Variants in PKD1L3 observed in about 807,000 individuals in gnomAD.
PKD1L3 encodes the protein polycystin-1-like protein 3.
PKD1L3 carries 239 observed loss-of-function variants against 184.1 expected under a neutral mutation model. That is an observed-to-expected ratio of 1.30 (90% CI 1.17 to 1.45). PKD1L3 has a LOEUF of 1.45. Among genes scored for constraint, PKD1L3 ranks in the 40% most tolerant of loss-of-function variants. The pLI is 0.00. For missense variants in PKD1L3, 2,660 were observed against 2,067.2 expected (o/e 1.29, Z -5.56); for synonymous variants, 996 against 778.8 (o/e 1.28, Z -4.64).
intron 4 of PKD1L3, among the ~76,000 whole-genome samples, chr16:71,990,047 C>A (rs777371185): frequency 2.0e-5 from 3 of 149,752 alleles, no homozygotes; most frequent in Non-Finnish European, 4.4e-5. Flanking sequence ...CCATTGCACT[C>A]CAGCCTGGGT....
At chr16:71,966,993 T>A in intron 15 of PKD1L3, 144 bp downstream of exon 15, 1 of 933,136 alleles carries the variant, frequency 1.1e-6, no homozygotes, top group Non-Finnish European at 1.6e-6. Flanking sequence ...GCTTATTCTG[T>A]GTAGACAGCT....
chr16:71,936,519 C>CTTTTTTTTTTTTTT (rs397785025), intron 25 of PKD1L3, among the ~76,000 whole-genome samples: 2 of 123,542 alleles, frequency 1.6e-5, no homozygotes, highest in Non-Finnish European at 3.3e-5. Context: ...TTTTTTTTTT[C>CTTTTTTTTTTTTTT]TTTTTTTTTT....
chr16:71,989,587 G>A (rs759712011), intron 4 of PKD1L3, among the ~76,000 whole-genome samples: 6 of 152,232 alleles, frequency 3.9e-5, no homozygotes, highest in African/African-American at 7.2e-5. Context: ...GAGATTTCTT[G>A]AAGGTGAAAT....
intron 11 of PKD1L3, among the ~76,000 whole-genome samples, chr16:71,976,264 C>CTTGTTTTTTTTTTTT (rs2039918064): frequency 1.2e-5 from 1 of 81,776 alleles, no homozygotes; most frequent in Non-Finnish European, 2.3e-5. Context: ...CCCAGCCTGT[C>CTTGTTTTTTTTTTTT]TTTTTTTTTT....
In PKD1L3 at chr16:71,950,219, C is replaced by A. The variant is rs1368331434; in HGVS notation, c.3282G>T (p.Gln1094His). The change falls in exon 20 of 30, where the codon CAG becomes CAT. Residue 1094 changes from glutamine to histidine, a missense_variant. Transcript: ENST00000620267. ...CTAGGAAGTCACAGGACTGGTGACCCTGGGTGAGACCCAGCGTGCCTAAGT... is the reference window on the plus strand; with the variant it reads ...CTAGGAAGTCACAGGACTGGTGACCATGGGTGAGACCCAGCGTGCCTAAGT... Reference protein sequence around the residue: ...KSHLGTLGLTQGHQSCDFLDA... With the variant: ...KSHLGTLGLTHGHQSCDFLDA... 1 of 1,552,172 alleles carries A rather than the reference C, an allele frequency of 6.4e-7. No homozygotes were observed. Among genetic ancestry groups the A allele is most frequent in the Non-Finnish European group, 8.7e-7 (1 of 1,147,112 alleles).
At position 71,963,366 on chromosome 16, in the gene PKD1L3, A is replaced by G; in HGVS notation, c.2466-15T>C. 1 of 1,541,456 alleles carries G rather than the reference A, an allele frequency of 6.5e-7. No individual in the cohort carries two copies. The highest frequency in any genetic ancestry group is 8.8e-7 in the Non-Finnish European group (1 of 1,141,232). Reference sequence around the variant, plus strand: ...GGCTGACATACCTATAGTAAAATGAAGATAACCACATTAGGGAGATGGGCT... The same window carrying G: ...GGCTGACATACCTATAGTAAAATGAGGATAACCACATTAGGGAGATGGGCT... On this transcript the variant is annotated splice_polypyrimidine_tract_variant and intron_variant, in intron 15 of 29. Transcript: ENST00000620267.
Position 71,993,311 on chromosome 16 carries a change from G to T in PKD1L3, c.440C>A (p.Ala147Asp), listed in dbSNP as rs1029644876. 6.5e-7 allele frequency: 1 copy of T among 1,547,398 alleles called. No homozygotes were observed. Among genetic ancestry groups the T allele is most frequent in the Non-Finnish European group, 8.7e-7 (1 of 1,145,426 alleles). ...CQTGDFLDGDAHYERNGNNSH... is the reference protein window; with the variant it reads ...CQTGDFLDGDDHYERNGNNSH... ...ATTATTTCCATTTCTTTCATAATGG[G>T]CATCTCCGTCCAAAAAGTCACCTAT... The change falls in exon 3 of 30, where the codon GCC becomes GAC. Residue 147 changes from alanine to aspartate, a missense_variant. Physicochemically the swap from Ala to Asp is moderately radical, Grantham distance 126. Coordinates refer to ENST00000620267, the MANE Select transcript of PKD1L3 (RefSeq NM_181536.2).
At chr16:71,998,657 G>A (rs1403930810) in intron 1 of PKD1L3, among the ~76,000 whole-genome samples, 1 of 152,016 alleles carries the variant, frequency 6.6e-6, no homozygotes, top group Non-Finnish European at 1.5e-5. Context: ...CACCATGTTG[G>A]CCAGGCTGGT....
At chr16:71,944,574 T>A (rs546486002) in intron 22 of PKD1L3, among the ~76,000 whole-genome samples, 55 of 152,180 alleles carry the variant, frequency 3.6e-4, no homozygotes, top group African/African-American at 1.3e-3. Flanking sequence ...TCCCGGCTAC[T>A]AGGGAGACTG....
chr16:71,989,430 G>T (rs1156407717), intron 4 of PKD1L3, among the ~76,000 whole-genome samples: 2 of 152,222 alleles, frequency 1.3e-5, no homozygotes, highest in Non-Finnish European at 2.9e-5. Flanking sequence ...TGGGATTACG[G>T]GCGTGAGCCA....
intron 27 of PKD1L3, 104 bp from the exon 28 acceptor site, chr16:71,933,625 C>G (rs1429431558): frequency 5.8e-6 from 5 of 869,564 alleles, no homozygotes; most frequent in African/African-American, 3.4e-5. Flanking sequence ...AACAGAAATT[C>G]CTTGTGGCCA....
At chr16:71,989,111 T>C (rs1186058849) in intron 4 of PKD1L3, among the ~76,000 whole-genome samples, 2 of 152,196 alleles carry the variant, frequency 1.3e-5, no homozygotes, top group South Asian at 2.1e-4. Context: ...GGGCTAGTGG[T>C]TGTTGCTCTG....
chr16:71,933,925 T>C lies in PKD1L3; in HGVS notation c.4814A>G (p.Tyr1605Cys), dbSNP rs2038082490. 4.5e-6 allele frequency: 7 copies of C among 1,551,274 alleles called. No homozygotes were observed. Among genetic ancestry groups the C allele is most frequent in the South Asian group, 3.6e-5 (3 of 84,062 alleles). The change falls in exon 27 of 30, where the codon TAT (tyrosine) becomes TGT (cysteine). Residue 1605 changes from tyrosine to cysteine, a missense_variant. Tyr to Cys is a radical substitution (Grantham distance 194, BLOSUM62 -2). Coordinates refer to ENST00000620267, the MANE Select transcript of PKD1L3 (RefSeq NM_181536.2). Reference protein sequence around the residue: ...LLIILILLTGYAIAFNLLFGC... With the variant: ...LLIILILLTGCAIAFNLLFGC... Reference sequence around the variant, plus strand: ...AACGTGGGGGCTTACGGCAATGGCATAGCCTGTCAGCAGGATTAGGATGAT... The same window carrying C: ...AACGTGGGGGCTTACGGCAATGGCACAGCCTGTCAGCAGGATTAGGATGAT...
At chr16:71,932,022 G>A (rs987361912) in intron 28 of PKD1L3, among the ~76,000 whole-genome samples, 2 of 152,096 alleles carry the variant, frequency 1.3e-5, no homozygotes, top group African/African-American at 4.8e-5. Flanking sequence ...GGAACTACAG[G>A]TACATGCTAC....
At chr16:71,954,740 G>T (rs979515894) in intron 16 of PKD1L3, among the ~76,000 whole-genome samples, 5 of 152,180 alleles carry the variant, frequency 3.3e-5, no homozygotes, top group African/African-American at 1.2e-4. Flanking sequence ...AAAAGACTTT[G>T]CTGGGCTTAA....
At chr16:71,955,143 G>A (rs1461683909) in intron 16 of PKD1L3, among the ~76,000 whole-genome samples, 1 of 152,136 alleles carries the variant, frequency 6.6e-6, no homozygotes, top group African/African-American at 2.4e-5. Flanking sequence ...TTGAAAAATA[G>A]GAGCTCCAAG....
chr16:71,964,162 C>A (rs894216780), intron 15 of PKD1L3, among the ~76,000 whole-genome samples: 1 of 152,050 alleles, frequency 6.6e-6, no homozygotes, highest in Non-Finnish European at 1.5e-5. Context: ...GCCGTTCACA[C>A]CCCTGTCCTC....
chr16:71,993,080 A>C, intron 3 of PKD1L3, 136 bp downstream of exon 3: 1 of 576,482 alleles, frequency 1.7e-6, no homozygotes. Context: ...TGCCATATTA[A>C]GATCAGACAG....
At chr16:71,930,743 G>A (rs527953120) in intron 28 of PKD1L3, 27 of 152,124 alleles carry the variant, frequency 1.8e-4, no homozygotes, top group African/African-American at 6.5e-4. Context: ...CAAGTTCTGG[G>A]CTTATTGGAA....
Sources: allele counts gnomAD v4.1 joint callset (sites outside exome capture counted in the v4.1 genomes callset), GRCh38; gene constraint gnomAD v4.1.1; transcripts MANE v1.5; gene names NCBI Gene and HGNC (gene_info 2026-07-23, HGNC 2026-07-21).